SPMIP2: variants seen among roughly 807,000 people sequenced by gnomAD.
SPMIP2 encodes the protein protein SPMIP2.
At chr4:159,066,396 A>G in the SPMIP2 span, among the ~76,000 whole-genome samples, 3 of 152,004 alleles carry the variant, frequency 2.0e-5, no homozygotes, top group Non-Finnish European at 4.4e-5. Flanking sequence ...CCCTCAGGAT[A>G]TACGACTGAG....
chr4:159,077,579 C>A, the SPMIP2 span, among the ~76,000 whole-genome samples: 1 of 152,170 alleles, frequency 6.6e-6, no homozygotes, highest in Non-Finnish European at 1.5e-5. Flanking sequence ...AATAAGATGG[C>A]ATGCTTTATA....
chr4:159,070,378 G>A, the SPMIP2 span, among the ~76,000 whole-genome samples: 3 of 152,102 alleles, frequency 2.0e-5, no homozygotes, highest in South Asian at 2.1e-4. Flanking sequence ...ATGTAAATAC[G>A]TTTTAAAGTG....
the SPMIP2 span, among the ~76,000 whole-genome samples, chr4:158,981,068 T>A: frequency 1.3e-5 from 2 of 152,074 alleles, no homozygotes; most frequent in East Asian, 3.8e-4. Context: ...TACACAAGTA[T>A]CAATAGCCGA....
chr4:158,977,644 T>C, the SPMIP2 span, among the ~76,000 whole-genome samples: 1 of 130,608 alleles, frequency 7.7e-6, no homozygotes, highest in Non-Finnish European at 1.6e-5. Flanking sequence ...AGACGGAGTC[T>C]CGCTCTGTCA....
chr4:158,975,493 G>A, the SPMIP2 span, among the ~76,000 whole-genome samples: 1 of 152,196 alleles, frequency 6.6e-6, no homozygotes, highest in East Asian at 1.9e-4. Flanking sequence ...TAAGGAAGGG[G>A]TCCAGTTTCA....
chr4:158,893,813 C>G, the SPMIP2 span: 1 of 770,518 alleles, frequency 1.3e-6, no homozygotes, highest in Non-Finnish European at 2.1e-6. Context: ...CGTCTTGTCA[C>G]AGTTGATATC....
the SPMIP2 span, among the ~76,000 whole-genome samples, chr4:158,923,372 C>T: frequency 1.3e-5 from 2 of 152,168 alleles, no homozygotes; most frequent in Admixed American, 6.5e-5. Context: ...CTAGTTAATG[C>T]ATATGTATTT....
the SPMIP2 span, among the ~76,000 whole-genome samples, chr4:158,990,814 CCATGT>C: frequency 3.9e-5 from 6 of 152,174 alleles, no homozygotes; most frequent in South Asian, 4.1e-4. Flanking sequence ...CAGCAAACCA[CCATGT>C]CATGTGTAAG....
At chr4:159,024,880 T>G in the SPMIP2 span, among the ~76,000 whole-genome samples, 1 of 152,230 alleles carries the variant, frequency 6.6e-6, no homozygotes, top group South Asian at 2.1e-4. Context: ...TTATATTGCT[T>G]GTGACCTACC....
chr4:158,977,600 C>CTTTTTTTTTTTTT, the SPMIP2 span, among the ~76,000 whole-genome samples: 178 of 72,402 alleles, frequency 2.5e-3, 28 homozygotes, highest in East Asian at 4.9e-3. Flanking sequence ...TCCTTCAGTT[C>CTTTTTTTTTTTTT]TTTTTTTTTT....
At chr4:158,949,785 C>A in the SPMIP2 span, among the ~76,000 whole-genome samples, 2 of 152,098 alleles carry the variant, frequency 1.3e-5, no homozygotes, top group Non-Finnish European at 2.9e-5. Flanking sequence ...AATGTGGCTG[C>A]TAATTAATGA....
At chr4:158,972,130 C>T in the SPMIP2 span, among the ~76,000 whole-genome samples, 5 of 152,110 alleles carry the variant, frequency 3.3e-5, no homozygotes, top group Non-Finnish European at 5.9e-5. Flanking sequence ...GGGAGGCCGA[C>T]GCAGGTGGAT....
the SPMIP2 span, among the ~76,000 whole-genome samples, chr4:158,954,724 G>T: frequency 6.6e-6 from 1 of 152,142 alleles, no homozygotes; most frequent in African/African-American, 2.4e-5. Context: ...CAGAAAGTTA[G>T]CTCTCATTAG....
the SPMIP2 span, among the ~76,000 whole-genome samples, chr4:158,987,353 T>C: frequency 3.3e-5 from 5 of 152,216 alleles, no homozygotes; most frequent in East Asian, 7.7e-4. Flanking sequence ...TGTGGCACTA[T>C]TCACAATAGC....
At chr4:159,029,282 G>C in the SPMIP2 span, among the ~76,000 whole-genome samples, 2 of 152,126 alleles carry the variant, frequency 1.3e-5, no homozygotes, top group Non-Finnish European at 2.9e-5. Context: ...AATCAGAACA[G>C]CATCTGATTG....
At chr4:159,066,263 T>C in the SPMIP2 span, among the ~76,000 whole-genome samples, 1 of 152,118 alleles carries the variant, frequency 6.6e-6, no homozygotes, top group Non-Finnish European at 1.5e-5. Context: ...GTAAGTGATA[T>C]CTGCAGGGGA....
At chr4:158,997,986 G>C in the SPMIP2 span, among the ~76,000 whole-genome samples, 1 of 152,130 alleles carries the variant, frequency 6.6e-6, no homozygotes, top group Admixed American at 6.6e-5. Flanking sequence ...ATCTAGAGCA[G>C]AGGTCAGCAC....
chr4:158,998,371 T>G, the SPMIP2 span, among the ~76,000 whole-genome samples: 3 of 152,228 alleles, frequency 2.0e-5, no homozygotes, highest in South Asian at 6.2e-4. Flanking sequence ...GAATGAAGCT[T>G]CTCTATTTAT....
chr4:158,922,922 C>A, the SPMIP2 span, among the ~76,000 whole-genome samples: 1 of 152,046 alleles, frequency 6.6e-6, no homozygotes, highest in Non-Finnish European at 1.5e-5. Context: ...TTTTTATGAC[C>A]AAATAATATT....
Sources: allele counts gnomAD v4.1 joint callset (sites outside exome capture counted in the v4.1 genomes callset), GRCh38; gene constraint gnomAD v4.1.1; transcripts MANE v1.5; gene names NCBI Gene and HGNC (gene_info 2026-07-23, HGNC 2026-07-21).